Variants in LRRC28 observed in about 807,000 individuals in gnomAD.
The protein encoded by LRRC28 is leucine-rich repeat-containing protein 28.
In LRRC28, 39 loss-of-function variants were observed where a neutral mutation model predicts 45.7. That is an observed-to-expected ratio of 0.85 (90% confidence interval 0.66 to 1.12). The LOEUF (loss-of-function observed/expected upper bound fraction) is 1.12. Among genes scored for constraint, LRRC28 ranks in the 50% most tolerant of loss-of-function variants. The probability of loss-of-function intolerance (pLI) is 0.00; values close to 1 mark genes in which losing one functional copy is unlikely to be tolerated. For missense variants in LRRC28, 435 were observed against 438.5 expected, an observed-to-expected ratio of 0.99 and a Z score of 0.07; for synonymous variants, 206 against 178.8, an observed-to-expected ratio of 1.15 and a Z score of -1.22.
In LRRC28 at chr15:99,251,487, C is replaced by G. The variant is rs1021537057; in HGVS notation, c.-115C>G. 2.0e-5 allele frequency: 3 copies of G among 152,470 alleles called. No individual in the cohort carries two copies. Among genetic ancestry groups the G allele is most frequent in the African/African-American group, 2.4e-5 (1 of 41,432 alleles). The allele number at this position is 152,470 out of a possible 1,614,324, so 9.4% of individuals were successfully genotyped here. A position where few individuals can be genotyped will look rare whatever the true frequency, so the allele number is the denominator to read the frequency against. On this transcript the variant is annotated 5_prime_UTR_variant, in exon 1 of 10. Coordinates refer to ENST00000301981, the MANE Select transcript of LRRC28 (RefSeq NM_144598.5). ...CTGCCCCGCCCCGCCCGCCGTCCCC[C>G]GCTTGGCTTCCAGCGCCGCTTGCGC... is the stretch of plus-strand genomic sequence containing the variant.
At chr15:99,260,109 C>A in intron 2 of LRRC28, 1 of 451,190 alleles carries the variant, frequency 2.2e-6, no homozygotes, top group Non-Finnish European at 4.3e-6. Flanking sequence ...TGGATGCCCC[C>A]CACCAGTCCC....
chr15:99,333,900 C>T (rs753768597), intron 5 of LRRC28, 23 bp from the exon 6 acceptor site: 1 of 1,611,744 alleles, frequency 6.2e-7, no homozygotes, highest in East Asian at 2.2e-5. Flanking sequence ...TGCAATTTAT[C>T]CTAATTTTGA....
At chr15:99,289,678 A>C (rs1206253482) in intron 5 of LRRC28, among the ~76,000 whole-genome samples, 1 of 152,030 alleles carries the variant, frequency 6.6e-6, no homozygotes, top group Non-Finnish European at 1.5e-5. Context: ...TCACGCCTGT[A>C]ATCCCAGCAC....
chr15:99,348,770 G>T (rs1490056487), intron 6 of LRRC28, among the ~76,000 whole-genome samples: 2 of 148,178 alleles, frequency 1.3e-5, no homozygotes, highest in African/African-American at 5.0e-5. Context: ...TTTTTTTGTA[G>T]CTCCATATGA....
At chr15:99,259,663 A>C in intron 2 of LRRC28, 1 of 1,404,570 alleles carries the variant, frequency 7.1e-7, no homozygotes, top group Non-Finnish European at 1.0e-6. Context: ...GTCGGAAGAA[A>C]ACATTTGAAA....
At chr15:99,363,339 C>T (rs1354190163) in intron 9 of LRRC28, 74 bp downstream of exon 9, 1 of 1,526,342 alleles carries the variant, frequency 6.6e-7, no homozygotes. Flanking sequence ...AGAGGCTGTG[C>T]ATGAAAGCAT....
At chr15:99,343,678 T>C (rs1373211649) in intron 6 of LRRC28, among the ~76,000 whole-genome samples, 1 of 152,232 alleles carries the variant, frequency 6.6e-6, no homozygotes, top group East Asian at 1.9e-4. Context: ...ACTTTAAAAA[T>C]ATTATTGCGT....
At chr15:99,287,440 T>G (rs1304563110) in intron 4 of LRRC28, 146 bp downstream of exon 4, 1 of 565,102 alleles carries the variant, frequency 1.8e-6, no homozygotes, top group Non-Finnish European at 3.0e-6. Flanking sequence ...GAACTATAAT[T>G]AAATAAATCT....
chr15:99,259,668 T>A (rs2081135772), intron 2 of LRRC28: 1 of 1,399,318 alleles, frequency 7.1e-7, no homozygotes, highest in African/African-American at 1.4e-5. Context: ...AAGAAAACAT[T>A]TGAAATTAAT....
chr15:99,287,041 A>C (rs538062721), intron 3 of LRRC28: 1 of 415,568 alleles, frequency 2.4e-6, no homozygotes, highest in Non-Finnish European at 4.3e-6. Flanking sequence ...AAATCAGTAA[A>C]TAGATTTAAT....
At chr15:99,375,730 GAAGTTGTCAGATTTATTAGTATA>G (rs1349559419) in intron 9 of LRRC28, among the ~76,000 whole-genome samples, 1 of 152,044 alleles carries the variant, frequency 6.6e-6, no homozygotes, top group Non-Finnish European at 1.5e-5. Context: ...CTGTTTCTTT[GAAGTTGTCAGATTTATTAGTATA>G]AAGTTGTCCC....
chr15:99,382,932 CT>C (rs755908116), intron 9 of LRRC28, among the ~76,000 whole-genome samples: 7 of 151,886 alleles, frequency 4.6e-5, no homozygotes, highest in Non-Finnish European at 7.4e-5. Flanking sequence ...TCTATTTCTC[CT>C]TTCATCTCTC....
chr15:99,288,100 A>G, intron 5 of LRRC28, 149 bp downstream of exon 5: 2 of 742,172 alleles, frequency 2.7e-6, no homozygotes, highest in Admixed American at 3.7e-5. Flanking sequence ...TGGGTGAAAT[A>G]TTACTAAGAG....
chr15:99,313,928 T>A (rs1026704651), intron 5 of LRRC28, among the ~76,000 whole-genome samples: 5 of 152,102 alleles, frequency 3.3e-5, no homozygotes, highest in Non-Finnish European at 7.4e-5. Flanking sequence ...ACAGGAGCCA[T>A]CCCAACCAAG....
chr15:99,376,142 T>C (rs893905166), intron 9 of LRRC28, among the ~76,000 whole-genome samples: 32 of 152,170 alleles, frequency 2.1e-4, no homozygotes, highest in African/African-American at 7.2e-4. Context: ...CCAAAATCTT[T>C]GATTTTTGAA....
At chr15:99,370,955 T>C (rs1157041280) in intron 9 of LRRC28, among the ~76,000 whole-genome samples, 1 of 152,200 alleles carries the variant, frequency 6.6e-6, no homozygotes, top group Non-Finnish European at 1.5e-5. Flanking sequence ...AAAATATTTT[T>C]AATTATTAAA....
At chr15:99,332,677 G>A (rs192685603) in intron 5 of LRRC28, among the ~76,000 whole-genome samples, 3 of 152,282 alleles carry the variant, frequency 2.0e-5, no homozygotes, top group East Asian at 3.9e-4. Flanking sequence ...ACAAGAGCAG[G>A]CCATGGGCTA....
chr15:99,343,944 C>T lies in LRRC28; in HGVS notation c.593-8425C>T, dbSNP rs79656586. ...GCCGACTGCCTTCTGGCCAGGTTCA[C>T]GCTCTCAAGAGGCCATCACAGCATC... On this transcript the variant is annotated intron_variant, in intron 6 of 9. Transcript: ENST00000301981. Among the ~76,000 whole-genome samples, 946 of 152,218 alleles carry T rather than the reference C, an allele frequency of 6.2e-3. 10 individuals are homozygous for T. Among genetic ancestry groups the T allele is most frequent in the African/African-American group, 0.022 (908 of 41,518 alleles).
intron 2 of LRRC28, among the ~76,000 whole-genome samples, chr15:99,264,937 A>G (rs1310294635): frequency 6.6e-6 from 1 of 152,186 alleles, no homozygotes; most frequent in Non-Finnish European, 1.5e-5. Flanking sequence ...TTGTAAAAGT[A>G]AAGAAAGGGA....
Sources: allele counts gnomAD v4.1 joint callset (sites outside exome capture counted in the v4.1 genomes callset), GRCh38; gene constraint gnomAD v4.1.1; transcripts MANE v1.5; gene names NCBI Gene and HGNC (gene_info 2026-07-23, HGNC 2026-07-21).